The following ZDHHC20 variants were observed in gnomAD, a reference collection of about 807,000 sequenced individuals.
ZDHHC20 encodes zDHHC palmitoyltransferase 20, also known as palmitoyltransferase ZDHHC20.
Under a neutral mutation model 57.8 loss-of-function variants are expected in ZDHHC20, and 43 were observed. The ratio of observed to expected loss-of-function variants is 0.74; its 90% CI spans 0.58 to 0.96. ZDHHC20 has a LOEUF of 0.96. Among genes scored for constraint, ZDHHC20 ranks in the 40% least tolerant of loss-of-function variants. ZDHHC20 has a pLI of 0.00. For missense variants in ZDHHC20, 391 were observed against 441.1 expected (o/e 0.89, Z 1.02); for synonymous variants, 157 against 153.0 (o/e 1.03, Z -0.19).
Position 21,381,513 on chromosome 13 carries a change from A to G in ZDHHC20, c.981T>C (p.Leu327=). The G allele has an allele frequency of 1.2e-6, 2 of 1,613,816 alleles. No homozygotes were observed. The highest frequency in any genetic ancestry group is 1.7e-6 in the Non-Finnish European group (2 of 1,179,820). ...GSNQPFPIKP[L]SESKNRLLDS... ...CCAACAAGCGGTTTTTTGATTCACT[A>G]AGTGGTTTGATAGGAAAAGGTTGAT... is the stretch of plus-strand genomic sequence containing the variant. Residue 327 remains leucine, a synonymous_variant, in exon 11 of 13, where the codon CTT becomes CTC. Coordinates refer to ENST00000400590, the MANE Select transcript of ZDHHC20 (RefSeq NM_001330059.2).
At chr13:21,445,194 A>C (rs1024229329) in intron 1 of ZDHHC20, among the ~76,000 whole-genome samples, 1 of 152,144 alleles carries the variant, frequency 6.6e-6, no homozygotes, top group Non-Finnish European at 1.5e-5. Context: ...AATATAATGA[A>C]AGGCCTGCAA....
intron 2 of ZDHHC20, among the ~76,000 whole-genome samples, chr13:21,421,995 T>G (rs538544008): frequency 2.0e-5 from 3 of 152,166 alleles, no homozygotes; most frequent in African/African-American, 7.2e-5. Context: ...CATATTGCAC[T>G]CTCCAAATAA....
chr13:21,416,784 G>A (rs1292074445), intron 3 of ZDHHC20, among the ~76,000 whole-genome samples: 1 of 152,140 alleles, frequency 6.6e-6, no homozygotes, highest in Non-Finnish European at 1.5e-5. Flanking sequence ...ACAAGGATGT[G>A]AAAATAGTAC....
Position 21,376,088 on chromosome 13 carries a change from T to C in ZDHHC20, c.*608A>G, listed in dbSNP as rs1384902423. 1 of 152,256 alleles carries C rather than the reference T, an allele frequency of 6.6e-6. No homozygotes were observed. The highest frequency in any genetic ancestry group is 1.5e-5 in the Non-Finnish European group (1 of 68,050). The allele number at this position is 152,256 out of a possible 1,614,324, so 9.4% of individuals were successfully genotyped here. Reference sequence around the variant, plus strand: ...CCAATGTGTTCTATGTTCTAAATGATATTTAGATATCTGAATCCTTCTGTT... The same window carrying C: ...CCAATGTGTTCTATGTTCTAAATGACATTTAGATATCTGAATCCTTCTGTT... On this transcript the variant is annotated 3_prime_UTR_variant, in exon 13 of 13. Transcript: ENST00000400590.
chr13:21,433,015 T>TTACA (rs1420367199), intron 1 of ZDHHC20, among the ~76,000 whole-genome samples: 1 of 152,250 alleles, frequency 6.6e-6, no homozygotes, highest in Non-Finnish European at 1.5e-5. Context: ...ACAGTCTTGA[T>TTACA]TACATATAGC....
Position 21,414,527 on chromosome 13 carries a change from A to ATTTTTTTTTTTTTTTTTTTTTTTTTTT in ZDHHC20, c.250-756_250-755insAAAAAAAAAAAAAAAAAAAAAAAAAAA, listed in dbSNP as rs747307477. ...AGGCGCACGCCACTATGCCCGGATA[A>ATTTTTTTTTTTTTTTTTTTTTTTTTTT]TTTTTTTTTTTTTTTTTGTATTTTT... On this transcript the variant is annotated intron_variant, in intron 3 of 12. Transcript: ENST00000400590. Among the ~76,000 whole-genome samples the ATTTTTTTTTTTTTTTTTTTTTTTTTTT allele has an allele frequency of 6.3e-4, 68 of 107,496 alleles. 2 individuals carry two copies. The highest frequency in any genetic ancestry group is 9.5e-4 in the South Asian group (3 of 3,168). 70.5% of individuals were successfully genotyped at this position (107,496 alleles called of 152,430 possible).
chr13:21,446,232 G>A (rs1156492558), intron 1 of ZDHHC20, among the ~76,000 whole-genome samples: 2 of 152,128 alleles, frequency 1.3e-5, no homozygotes, highest in Admixed American at 6.6e-5. Context: ...GGGGGATAAG[G>A]GAAGAATATG....
chr13:21,413,469 TA>T (rs1333607204), intron 4 of ZDHHC20, among the ~76,000 whole-genome samples, 182 bp downstream of exon 4: 1 of 145,496 alleles, frequency 6.9e-6, no homozygotes, highest in African/African-American at 2.5e-5. Context: ...TATTGATTAT[TA>T]TTTTTATATA....
chr13:21,458,949 G>A, intron 1 of ZDHHC20, 105 bp downstream of exon 1: 3 of 828,870 alleles, frequency 3.6e-6, no homozygotes, highest in South Asian at 2.5e-5. Flanking sequence ...GACGCCCGGC[G>A]TCCGGCGCTG....
intron 1 of ZDHHC20, among the ~76,000 whole-genome samples, chr13:21,451,045 T>G (rs1884393252): frequency 1.3e-5 from 2 of 152,236 alleles, no homozygotes. Context: ...TGAATCACCA[T>G]GCCTGGCCAA....
chr13:21,426,607 CTTTT>C (rs778269073), intron 1 of ZDHHC20, among the ~76,000 whole-genome samples: 4 of 135,360 alleles, frequency 3.0e-5, no homozygotes, highest in Non-Finnish European at 4.7e-5. Flanking sequence ...TTCTCCTTTT[CTTTT>C]TTTTTTTTTT....
At chr13:21,389,645 G>A (rs555126585) in intron 8 of ZDHHC20, among the ~76,000 whole-genome samples, 2 of 152,208 alleles carry the variant, frequency 1.3e-5, no homozygotes, top group East Asian at 1.9e-4. Context: ...ACATACCTAC[G>A]GGGGCTGGGC....
intron 1 of ZDHHC20, among the ~76,000 whole-genome samples, chr13:21,438,205 T>C (rs1200850416): frequency 6.6e-6 from 1 of 152,234 alleles, no homozygotes; most frequent in Non-Finnish European, 1.5e-5. Context: ...TTATTATTTA[T>C]TTAAGAAATA....
chr13:21,395,605 G>A (rs1442429645), intron 7 of ZDHHC20, among the ~76,000 whole-genome samples: 6 of 148,372 alleles, frequency 4.0e-5, no homozygotes, highest in East Asian at 2.0e-4. Flanking sequence ...GGGTTCAAGC[G>A]ATTCTCCTGC....
chr13:21,413,794 T>C, intron 3 of ZDHHC20, 22 bp from the exon 4 acceptor site: 1 of 1,581,944 alleles, frequency 6.3e-7, no homozygotes, highest in Non-Finnish European at 8.6e-7. Context: ...AAGAGGACTA[T>C]TAAATTTTTT....
intron 3 of ZDHHC20, among the ~76,000 whole-genome samples, chr13:21,414,089 G>A (rs984104438): frequency 6.6e-6 from 1 of 152,032 alleles, no homozygotes; most frequent in Non-Finnish European, 1.5e-5. Context: ...AAAAATTTTA[G>A]TTGTTTAAAA....
At chr13:21,393,565 C>T (rs1347836793) in intron 7 of ZDHHC20, among the ~76,000 whole-genome samples, 1 of 150,964 alleles carries the variant, frequency 6.6e-6, no homozygotes, top group Non-Finnish European at 1.5e-5. Context: ...ATTAGCCAGG[C>T]ATGGTGGTAC....
rs753620525 is a variant in ZDHHC20 at position 21,391,715 on chromosome 13, T to C, written c.727+7A>G. The C allele has an allele frequency of 6.3e-7, 1 of 1,598,388 alleles. No homozygotes were observed. The highest frequency in any genetic ancestry group is 8.5e-7 in the Non-Finnish European group (1 of 1,176,322). ...TAAGTAATTATAATTTATTTTAACC[T>C]ACTTACCTATTGTTGTTCTATTTTT... On this transcript the variant is annotated splice_region_variant and intron_variant, in intron 8 of 12. Coordinates refer to ENST00000400590, the MANE Select transcript of ZDHHC20 (RefSeq NM_001330059.2).
At chr13:21,417,864 T>G (rs1235212855) in intron 3 of ZDHHC20, among the ~76,000 whole-genome samples, 1 of 152,218 alleles carries the variant, frequency 6.6e-6, no homozygotes. Flanking sequence ...TAGCACCAAC[T>G]TCTGAGCTGA....
Sources: gnomAD v4.1 joint callset for allele counts (sites outside exome capture counted in the v4.1 genomes callset) on GRCh38, gnomAD v4.1.1 for gene constraint, MANE v1.5 for transcripts, NCBI Gene and HGNC (gene_info 2026-07-23, HGNC 2026-07-21) for gene names.